Variants in RSBN1 observed in about 807,000 individuals in gnomAD.
RSBN1 encodes the protein round spermatid basic protein 1.
Under a neutral mutation model 74.8 loss-of-function variants are expected in RSBN1, and 23 were observed. The observed-to-expected ratio is 0.31, with a 90% CI of 0.22 to 0.44. RSBN1 has a LOEUF of 0.44. Among genes scored for constraint, RSBN1 ranks in the 20% least tolerant of loss-of-function variants. The pLI is 1.00. For synonymous variants in RSBN1, 407 were observed against 379.6 expected, an observed-to-expected ratio of 1.07 and a Z score of -0.84; for missense variants, 808 against 1,020.9, an observed-to-expected ratio of 0.79 and a Z score of 2.84.
chr1:113,788,275 AC>A (rs1660299181), intron 2 of RSBN1, among the ~76,000 whole-genome samples: 1 of 152,074 alleles, frequency 6.6e-6, no homozygotes, highest in Admixed American at 6.6e-5. Context: ...TCAGAAAAAA[AC>A]GATAACTGAG....
rs769051602 is a variant in RSBN1 at position 113,766,365 on chromosome 1, A to G, written c.2024T>C (p.Ile675Thr). Reference protein sequence around the residue: ...YARIQLCDNDIYFIPRNVIHQ... With the variant: ...YARIQLCDNDTYFIPRNVIHQ... ...AATGACATTTCTAGGGATGAAGTAG[A>G]TATCATTGTCGCAAAGCTGAATTCT... is the stretch of plus-strand genomic sequence containing the variant. Residue 675 changes from isoleucine to threonine, a missense_variant, in exon 7 of 7, where the codon ATC becomes ACC. Ile to Thr is a moderately conservative substitution (Grantham distance 89). Around this residue, in one of 6 missense-constraint regions of RSBN1, gnomAD observed 38 missense variants for 120.6 expected, o/e 0.32. Coordinates refer to ENST00000261441, the MANE Select transcript of RSBN1 (RefSeq NM_018364.5). 1.1e-5 allele frequency: 17 copies of G among 1,613,978 alleles called. No individual in the cohort carries two copies. The highest frequency in any genetic ancestry group is 1.4e-5 in the Non-Finnish European group (16 of 1,179,974).
Position 113,775,561 on chromosome 1 carries a change from T to G in RSBN1, c.1658+1649A>C, listed in dbSNP as rs189555085. Among the ~76,000 whole-genome samples, 95 of 152,092 alleles carry G rather than the reference T, an allele frequency of 6.2e-4. 1 individual carries two copies. Among genetic ancestry groups the G allele is most frequent in the African/African-American group, 2.1e-3 (87 of 41,474 alleles). ...CATGTTGCCCAGGCTGGTCTTGAAC[T>G]CCTGGACTCAAGCAATCTGCCTGCC... is the stretch of plus-strand genomic sequence containing the variant. On this transcript the variant is annotated intron_variant, in intron 4 of 6. Coordinates refer to ENST00000261441, the MANE Select transcript of RSBN1 (RefSeq NM_018364.5).
At chr1:113,773,691 T>C (rs1001187179) in intron 4 of RSBN1, among the ~76,000 whole-genome samples, 15 of 151,866 alleles carry the variant, frequency 9.9e-5, no homozygotes, top group Non-Finnish European at 1.6e-4. Context: ...TTTGAGACTT[T>C]AGGAATTTTT....
At chr1:113,781,429 C>T (rs559261847) in intron 2 of RSBN1, among the ~76,000 whole-genome samples, 174 of 152,302 alleles carry the variant, frequency 1.1e-3, no homozygotes, top group African/African-American at 3.8e-3. Context: ...ATTTCCCTTT[C>T]CAGGCTTCCT....
intron 4 of RSBN1, among the ~76,000 whole-genome samples, chr1:113,772,633 C>T (rs765438722): frequency 2.0e-5 from 3 of 152,178 alleles, no homozygotes; most frequent in Non-Finnish European, 4.4e-5. Flanking sequence ...CAGCTTCTCA[C>T]ATTTTTATTC....
intron 4 of RSBN1, among the ~76,000 whole-genome samples, chr1:113,771,349 T>C (rs1056743368): frequency 2.0e-5 from 3 of 152,068 alleles, no homozygotes; most frequent in African/African-American, 7.2e-5. Flanking sequence ...CTTAAGACTA[T>C]TCCTTGAGAA....
chr1:113,769,247 C>T (rs578047131), intron 4 of RSBN1, among the ~76,000 whole-genome samples: 1 of 152,108 alleles, frequency 6.6e-6, no homozygotes, highest in Admixed American at 6.6e-5. Flanking sequence ...CTCCCATCTC[C>T]TCCTTTAGTG....
chr1:113,789,523 A>G (rs1382642802), intron 2 of RSBN1, among the ~76,000 whole-genome samples: 1 of 152,146 alleles, frequency 6.6e-6, no homozygotes, highest in African/African-American at 2.4e-5. Context: ...AATCCACTGA[A>G]CTCAAAGAGG....
intron 2 of RSBN1, among the ~76,000 whole-genome samples, chr1:113,780,404 A>C (rs1224271672): frequency 6.6e-6 from 1 of 152,238 alleles, no homozygotes; most frequent in Non-Finnish European, 1.5e-5. Context: ...ACCTAATTCA[A>C]ACACCACTAA....
At position 113,797,345 on chromosome 1, in the gene RSBN1, C is replaced by G; in HGVS notation, c.1377+18G>C. ...TAGAATCGTATTTACTAATTTTTAA[C>G]AACAATTTTTATCTTACCTGAGTGT... On this transcript the variant is annotated intron_variant, in intron 2 of 6. Transcript: ENST00000261441. The G allele has an allele frequency of 6.7e-7, 1 of 1,502,780 alleles. No homozygotes were observed. Among genetic ancestry groups the G allele is most frequent in the Non-Finnish European group, 9.1e-7 (1 of 1,094,080 alleles). The allele number at this position is 1,502,780 out of a possible 1,614,324, so 93.1% of individuals were successfully genotyped here. A position where few individuals can be genotyped will look rare whatever the true frequency, so the allele number is the denominator to read the frequency against.
intron 2 of RSBN1, among the ~76,000 whole-genome samples, chr1:113,788,311 G>GA (rs1190895964): frequency 6.6e-6 from 1 of 152,018 alleles, no homozygotes; most frequent in South Asian, 2.1e-4. Context: ...AGTAATACAA[G>GA]AAAAAACTCC....
At chr1:113,805,861 A>G (rs1660689877) in intron 1 of RSBN1, among the ~76,000 whole-genome samples, 1 of 152,216 alleles carries the variant, frequency 6.6e-6, no homozygotes, top group Non-Finnish European at 1.5e-5. Context: ...AGAGCCGAAC[A>G]GCAGGCTTTG....
chr1:113,766,865 G>C lies in RSBN1; in HGVS notation c.1935+234C>G, dbSNP rs189585564. Among the ~76,000 whole-genome samples the C allele has an allele frequency of 6.6e-5, 10 of 152,294 alleles. No homozygotes were observed. The East Asian group carries it at 1.9e-3, about 29-fold the overall frequency. ...TCATGGCCATAACTGAGCCGCCTGG[G>C]ACCTCTAACCATCCCAGGCCCACCT... On this transcript the variant is annotated intron_variant, in intron 6 of 6. Transcript: ENST00000261441.
In RSBN1 at chr1:113,812,273, C is replaced by A. The variant is rs768343986; in HGVS notation, c.140G>T (p.Gly47Val). The A allele has an allele frequency of 5.0e-6, 8 of 1,605,656 alleles. No individual in the cohort carries two copies. Among genetic ancestry groups the A allele is most frequent in the Non-Finnish European group, 5.1e-6 (6 of 1,179,856 alleles). ...CGCTCCGACCTGCGCAGCCATTTCACCCACAAACACACATTTAAATGGCCC... is the reference window on the plus strand; with the variant it reads ...CGCTCCGACCTGCGCAGCCATTTCAACCACAAACACACATTTAAATGGCCC... ...AVGPFKCVFV[G>V]EMAAQVGAVR... Residue 47 changes from glycine to valine, a missense_variant, in exon 1 of 7, where the codon GGT (glycine) becomes GTT (valine). This residue lies in a region of RSBN1 where 464 missense variants were observed against 401.0 expected (regional missense o/e 1.16). Coordinates refer to ENST00000261441, the MANE Select transcript of RSBN1 (RefSeq NM_018364.5).
At chr1:113,802,004 G>A (rs1379676325) in intron 1 of RSBN1, among the ~76,000 whole-genome samples, 1 of 151,316 alleles carries the variant, frequency 6.6e-6, no homozygotes, top group African/African-American at 2.4e-5. Context: ...ATCCAGGCTG[G>A]AGGGCAGTGG....
chr1:113,812,302 C>G lies in RSBN1; in HGVS notation c.111G>C (p.Ala37=), dbSNP rs1361544835. ...CAAACACACATTTAAATGGCCCGAC[C>G]GCCCCCCCGTCCGCGCATCGCGCAA... ...AALARCADGG[A]VGPFKCVFVG... is the part of the protein sequence containing the mutation. Residue 37 remains alanine (A), a synonymous_variant, in exon 1 of 7, where the codon GCG becomes GCC. Transcript: ENST00000261441. 6 of 1,604,274 alleles carry G rather than the reference C, an allele frequency of 3.7e-6. No individual in the cohort carries two copies. Among genetic ancestry groups the G allele is most frequent in the Non-Finnish European group, 5.1e-6 (6 of 1,179,816 alleles).
chr1:113,766,015 G>A lies in RSBN1; in HGVS notation c.2374C>T (p.His792Tyr). 6.2e-7 allele frequency: 1 copy of A among 1,613,614 alleles called. No individual in the cohort carries two copies. Among genetic ancestry groups the A allele is most frequent in the Non-Finnish European group, 8.5e-7 (1 of 1,179,550 alleles). Residue 792 changes from histidine to tyrosine, a missense_variant, in exon 7 of 7, where the codon CAC becomes TAC. His to Tyr is a moderately conservative substitution (Grantham distance 83, BLOSUM62 2). Transcript: ENST00000261441. ...GTGGTTGAATGTTCTTGCAGATTGT[G>A]TTGCTGGTCAGAGTCCAGTCTACTT... Reference protein sequence around the residue: ...VESRLDSDQQHNLQEHSTTSV With the variant: ...VESRLDSDQQYNLQEHSTTSV
chr1:113,811,347 C>A (rs1660839683), intron 1 of RSBN1, among the ~76,000 whole-genome samples: 1 of 152,164 alleles, frequency 6.6e-6, no homozygotes, highest in Non-Finnish European at 1.5e-5. Flanking sequence ...AGCTCTCCAG[C>A]AAGCAAAACA....
chr1:113,799,724 T>C (rs935804398), intron 1 of RSBN1, among the ~76,000 whole-genome samples: 26 of 152,292 alleles, frequency 1.7e-4, no homozygotes, highest in African/African-American at 6.0e-4. Context: ...TTTTCTAAAA[T>C]AAACATATTA....
Sources: allele counts gnomAD v4.1 joint callset (sites outside exome capture counted in the v4.1 genomes callset), GRCh38; gene constraint gnomAD v4.1.1; regional missense constraint gnomAD v4.1.1; transcripts MANE v1.5; gene names NCBI Gene and HGNC (gene_info 2026-07-23, HGNC 2026-07-21).